SEC22C: variants seen among roughly 807,000 people sequenced by gnomAD.
The protein encoded by SEC22C is vesicle-trafficking protein SEC22c.
SEC22C carries 29 observed loss-of-function variants against 34.7 expected under a neutral mutation model. The ratio of observed to expected loss-of-function variants is 0.84; its 90% CI spans 0.62 to 1.14. SEC22C has a LOEUF of 1.14. Ranked by LOEUF, SEC22C falls within the 50% of genes most tolerant of loss-of-function variation. The pLI, the probability that SEC22C is intolerant of heterozygous loss-of-function variation, is 0.00. For synonymous variants in SEC22C, 117 were observed against 132.8 expected (o/e 0.88, Z 0.82); for missense variants, 337 against 369.0 (o/e 0.91, Z 0.71).
chr3:42,578,416 G>T (rs1471661180), intron 1 of SEC22C, among the ~76,000 whole-genome samples: 1 of 152,150 alleles, frequency 6.6e-6, no homozygotes, highest in Non-Finnish European at 1.5e-5. Flanking sequence ...GTTAGGGATG[G>T]TAGAGAGGAA....
chr3:42,558,655 G>A lies in SEC22C; in HGVS notation c.527-959C>T, dbSNP rs904782733. On this transcript the variant is annotated intron_variant, in intron 4 of 6. Transcript: ENST00000264454. ...AAAAATACAAAAATTAGCCAGGTGT[G>A]GTGGTATGTGCCTGTAGTCCCCGCT... Among the ~76,000 whole-genome samples the A allele has an allele frequency of 1.3e-5, 2 of 151,934 alleles. 1 individual carries two copies. Among genetic ancestry groups the A allele is most frequent in the South Asian group, 4.2e-4 (2 of 4,810 alleles).
intron 4 of SEC22C, among the ~76,000 whole-genome samples, chr3:42,558,723 T>C (rs751612373): frequency 9.9e-5 from 15 of 151,904 alleles, no homozygotes; most frequent in Admixed American, 3.3e-4. Context: ...GCCCTGGAGG[T>C]GGAGGTTGCA....
At chr3:42,583,995 G>A (rs797014367), upstream of SEC22C, among the ~76,000 whole-genome samples, 9 of 152,322 alleles carry the variant, frequency 5.9e-5, no homozygotes, top group African/African-American at 2.2e-4. Flanking sequence ...GTCTAAGACA[G>A]GGTAGTCTTG....
At chr3:42,567,888 T>A (rs901435902) in intron 2 of SEC22C, among the ~76,000 whole-genome samples, 1 of 152,064 alleles carries the variant, frequency 6.6e-6, no homozygotes, top group Non-Finnish European at 1.5e-5. Flanking sequence ...CTGGCCAACA[T>A]GGTGAAACCC....
intron 1 of SEC22C, among the ~76,000 whole-genome samples, chr3:42,571,155 T>C (rs1703602614): frequency 6.6e-6 from 1 of 152,076 alleles, no homozygotes; most frequent in South Asian, 2.1e-4. Flanking sequence ...CTTAAGCCAA[T>C]AAAAAAGAAA....
In SEC22C at chr3:42,548,599, G is replaced by A. The variant is rs922398531; in HGVS notation, c.*4649C>T. The A allele has an allele frequency of 1.2e-6, 2 of 1,613,484 alleles. No individual in the cohort carries two copies. The highest frequency in any genetic ancestry group is 1.7e-6 in the Non-Finnish European group (2 of 1,179,960). On this transcript the variant is annotated 3_prime_UTR_variant, in exon 7 of 7. Coordinates refer to ENST00000264454, the MANE Select transcript of SEC22C (RefSeq NM_032970.4). ...GGAGAATCAGAGCTCTCCTCATTTG[G>A]GTCAGGGGTGGCTGGCTCACGAGGT...
chr3:42,595,765 C>G (rs553644242), intron 1 of SEC22C, among the ~76,000 whole-genome samples: 1 of 152,176 alleles, frequency 6.6e-6, no homozygotes, highest in Non-Finnish European at 1.5e-5. Context: ...AGGGTTGCAA[C>G]CTAGGGCAAC....
At chr3:42,565,774 ACCT>A (rs1489187574) in intron 2 of SEC22C, 3 of 422,836 alleles carry the variant, frequency 7.1e-6, no homozygotes, top group African/African-American at 6.2e-5. Flanking sequence ...GCCCTGCGAT[ACCT>A]GTGAGAGAAC....
intron 1 of SEC22C, among the ~76,000 whole-genome samples, chr3:42,592,768 G>T (rs1704892828): frequency 1.3e-5 from 2 of 152,110 alleles, no homozygotes; most frequent in Non-Finnish European, 2.9e-5. Context: ...TCAACCCAAG[G>T]GTAAGAAAGT....
At chr3:42,582,009 A>C (rs552500800), upstream of SEC22C, 3 of 151,958 alleles carry the variant, frequency 2.0e-5, no homozygotes, top group South Asian at 6.3e-4. Context: ...CCTCCCCCCT[A>C]CCCCGCATTC....
At position 42,563,436 on chromosome 3, in the gene SEC22C, T is replaced by C; in HGVS notation, c.346+87A>G. 4.2e-6 allele frequency: 5 copies of C among 1,194,558 alleles called. No individual in the cohort carries two copies. In the South Asian group the frequency reaches 7.4e-5, roughly 18 times the overall value. 74.0% of individuals were successfully genotyped at this position (1,194,558 alleles called of 1,614,324 possible). A position where few individuals can be genotyped will look rare whatever the true frequency, so the allele number is the denominator to read the frequency against. ...GTTTTTGCATCTCCAGTGGTTTTCC[T>C]TGATGGTCAAAGCCAAACCTAAACT... On this transcript the variant is annotated intron_variant, in intron 3 of 6. Coordinates refer to ENST00000264454, the MANE Select transcript of SEC22C (RefSeq NM_032970.4).
intron 1 of SEC22C, among the ~76,000 whole-genome samples, chr3:42,596,777 G>A (rs1236207138): frequency 6.6e-6 from 1 of 152,202 alleles, no homozygotes; most frequent in Non-Finnish European, 1.5e-5. Context: ...TACAGATGAA[G>A]AAAGTAAACT....
At chr3:42,591,679 G>A in intron 1 of SEC22C, 1 of 1,016,418 alleles carries the variant, frequency 9.8e-7, no homozygotes, top group Non-Finnish European at 1.6e-6. Flanking sequence ...CTCGAACTAA[G>A]AGTCTTGGGT....
chr3:42,584,170 C>T (rs756126463), upstream of SEC22C, among the ~76,000 whole-genome samples: 3 of 151,284 alleles, frequency 2.0e-5, no homozygotes, highest in Non-Finnish European at 4.4e-5. Flanking sequence ...CACATTGGTT[C>T]TCTCTCTCTG....
At chr3:42,578,619 T>C (rs996156570) in intron 1 of SEC22C, among the ~76,000 whole-genome samples, 2 of 152,042 alleles carry the variant, frequency 1.3e-5, no homozygotes, top group African/African-American at 4.8e-5. Flanking sequence ...TAGAATTATA[T>C]AATATGTAAT....
At chr3:42,600,779 G>C (rs929269077) in intron 1 of SEC22C, 2 of 376,854 alleles carry the variant, frequency 5.3e-6, no homozygotes, top group African/African-American at 4.2e-5. Flanking sequence ...GGCCAGCCAG[G>C]TGAAGAGCTC....
intron 1 of SEC22C, chr3:42,590,700 G>T: frequency 1.6e-6 from 1 of 640,264 alleles, no homozygotes; most frequent in South Asian, 1.8e-5. Context: ...AAGCGCAAAG[G>T]ATACGAAAAC....
At chr3:42,558,178 G>A (rs1702649805) in intron 4 of SEC22C, among the ~76,000 whole-genome samples, 1 of 152,242 alleles carries the variant, frequency 6.6e-6, no homozygotes, top group South Asian at 2.1e-4. Flanking sequence ...TGTCAATAGG[G>A]ATCAGGCTGA....
chr3:42,558,873 T>A (rs1702708598), intron 4 of SEC22C, among the ~76,000 whole-genome samples: 1 of 152,246 alleles, frequency 6.6e-6, no homozygotes. Flanking sequence ...TAATTGGTTG[T>A]CAAATGTTTA....
Sources: allele counts gnomAD v4.1 joint callset (sites outside exome capture counted in the v4.1 genomes callset), GRCh38; gene constraint gnomAD v4.1.1; transcripts MANE v1.5; gene names NCBI Gene and HGNC (gene_info 2026-07-23, HGNC 2026-07-21).